CA4: variants seen among roughly 807,000 people sequenced by gnomAD.
CA4 encodes the protein carbonic anhydrase 4.
In CA4, 24 loss-of-function variants were observed where a neutral mutation model predicts 34.5. That is an observed-to-expected ratio of 0.70 (90% CI 0.50 to 0.98). The LOEUF is 0.98. Ranked by LOEUF, CA4 falls within the 50% of genes least tolerant of loss-of-function variation. CA4 has a pLI of 0.00. For synonymous variants in CA4, 178 were observed against 170.6 expected (o/e 1.04, Z -0.34); for missense variants, 394 against 396.7 (o/e 0.99, Z 0.06).
At chr17:60,160,479 G>A (rs971398769), downstream of CA4, among the ~76,000 whole-genome samples, 8 of 152,020 alleles carry the variant, frequency 5.3e-5, no homozygotes, top group African/African-American at 1.9e-4. Flanking sequence ...ATTCAGGGCA[G>A]GGGGCCGGGC....
At chr17:60,152,126 C>T (rs1354863200) in intron 1 of CA4, among the ~76,000 whole-genome samples, 5 of 152,062 alleles carry the variant, frequency 3.3e-5, no homozygotes, top group Non-Finnish European at 4.4e-5. Flanking sequence ...CGGTCTCTAA[C>T]CTCTGGTCAG....
At chr17:60,163,769 G>A (rs1321189504), downstream of CA4, among the ~76,000 whole-genome samples, 1 of 152,170 alleles carries the variant, frequency 6.6e-6, no homozygotes, top group African/African-American at 2.4e-5. Flanking sequence ...ACAGGAAGAG[G>A]GCAGCGGAGC....
downstream of CA4, among the ~76,000 whole-genome samples, chr17:60,161,873 C>T (rs938841677): frequency 4.6e-5 from 7 of 152,090 alleles, no homozygotes; most frequent in East Asian, 1.2e-3. Context: ...CTAAGCTGCC[C>T]CCCAAAGGAT....
At position 60,159,304 on chromosome 17, in the gene CA4, G is replaced by A. The variant is rs1290241956; in HGVS notation, c.819G>A (p.Leu273=). Residue 273 remains leucine, a synonymous_variant, in exon 8 of 8, where the codon CTG becomes CTA. Coordinates refer to ENST00000300900, the MANE Select transcript of CA4 (RefSeq NM_000717.5). ...TVSMKDNVRP[L]QQLGQRTVIK... ...GCATGAAGGACAATGTCAGGCCCCTGCAGCAGCTGGGGCAGCGCACGGTGA... is the reference window on the plus strand; with the variant it reads ...GCATGAAGGACAATGTCAGGCCCCTACAGCAGCTGGGGCAGCGCACGGTGA... 1.2e-6 allele frequency: 2 copies of A among 1,610,162 alleles called. No individual in the cohort carries two copies. The highest frequency in any genetic ancestry group is 1.7e-6 in the Non-Finnish European group (2 of 1,178,282).
intron 5 of CA4, among the ~76,000 whole-genome samples, chr17:60,168,101 A>G (rs915165601): frequency 8.6e-5 from 13 of 151,114 alleles, no homozygotes; most frequent in Admixed American, 6.6e-4. Flanking sequence ...GGGAGGAGGG[A>G]CTCTGAGTTC....
rs1405355324 is a variant in CA4, at chr17:60,158,278, C to A, written c.581-5C>A. ...CACTGACAGTGTCCTCTGCCCCTAT[C>A]TCAGAGATGAGCACTACGATGGCAG... On this transcript the variant is annotated splice_region_variant and splice_polypyrimidine_tract_variant and intron_variant, in intron 6 of 7. Transcript: ENST00000300900. 2 of 1,614,080 alleles carry A rather than the reference C, an allele frequency of 1.2e-6. No homozygotes were observed. Among genetic ancestry groups the A allele is most frequent in the Non-Finnish European group, 1.7e-6 (2 of 1,179,956 alleles).
chr17:60,168,171 G>A (rs80234689), intron 5 of CA4, among the ~76,000 whole-genome samples: 2,928 of 143,978 alleles, frequency 0.02, 122 homozygotes, highest in African/African-American at 0.071. Flanking sequence ...AATGGAAGCC[G>A]CATGTGGAAA....
chr17:60,162,249 C>T (rs911476196), downstream of CA4, among the ~76,000 whole-genome samples: 5 of 152,166 alleles, frequency 3.3e-5, no homozygotes, highest in Non-Finnish European at 7.4e-5. Flanking sequence ...CGGGCACTGG[C>T]CCCCACCTCC....
At position 60,159,350 on chromosome 17, in the gene CA4, C is replaced by T. The variant is rs774889872; in HGVS notation, c.865C>T (p.Arg289Trp). 3.1e-6 allele frequency: 5 copies of T among 1,609,662 alleles called. No individual in the cohort carries two copies. The highest frequency in any genetic ancestry group is 2.7e-5 in the African/African-American group (2 of 74,838). ...GGTGATAAAGTCCGGGGCCCCGGGT[C>T]GGCCGCTGCCCTGGGCCCTGCCTGC... ...RTVIKSGAPG[R>W]PLPWALPALL... The change falls in exon 8 of 8, where the codon CGG (arginine) becomes TGG (tryptophan). Residue 289 changes from arginine to tryptophan, a missense_variant. Arg to Trp is a moderately radical substitution (Grantham distance 101). Coordinates refer to ENST00000300900, the MANE Select transcript of CA4 (RefSeq NM_000717.5).
At chr17:60,169,250 C>CAAAAAAAAAAAAAAAA (rs1555574043) in intron 5 of CA4, among the ~76,000 whole-genome samples, 1 of 122,892 alleles carries the variant, frequency 8.1e-6, no homozygotes, top group African/African-American at 3.3e-5. Context: ...CCCTCTGTCT[C>CAAAAAAAAAAAAAAAA]AAAAAAAAAA....
At chr17:60,176,588 G>C in the CA4 span, among the ~76,000 whole-genome samples, 2 of 152,048 alleles carry the variant, frequency 1.3e-5, no homozygotes, top group East Asian at 3.9e-4. Context: ...ACCCACTGTA[G>C]GTACCAATGT....
chr17:60,167,165 C>T (rs147204938), intron 5 of CA4, among the ~76,000 whole-genome samples: 99 of 152,344 alleles, frequency 6.5e-4, no homozygotes, highest in African/African-American at 2.3e-3. Flanking sequence ...GTCCTTGCTG[C>T]TTCCCTTATA....
rs775003473 is a variant in CA4, at chr17:60,159,298, G to T, written c.813G>T (p.Arg271Ser). 21 of 1,610,062 alleles carry T rather than the reference G, an allele frequency of 1.3e-5. No homozygotes were observed. Among genetic ancestry groups the T allele is most frequent in the African/African-American group, 2.7e-5 (2 of 74,792 alleles). ...CAGTGAGCATGAAGGACAATGTCAG[G>T]CCCCTGCAGCAGCTGGGGCAGCGCA... Reference protein sequence around the residue: ...EQTVSMKDNVRPLQQLGQRTV... With the variant: ...EQTVSMKDNVSPLQQLGQRTV... Residue 271 changes from arginine to serine, a missense_variant, in exon 8 of 8, where the codon AGG (arginine) becomes AGT (serine). Transcript: ENST00000300900.
chr17:60,160,317 T>C (rs1261056752), downstream of CA4, among the ~76,000 whole-genome samples: 1 of 152,214 alleles, frequency 6.6e-6, no homozygotes, highest in African/African-American at 2.4e-5. Context: ...TTATTGAGCG[T>C]TTATGCTCTA....
At chr17:60,172,115 G>T (rs2083916240), downstream of CA4, among the ~76,000 whole-genome samples, 1 of 152,162 alleles carries the variant, frequency 6.6e-6, no homozygotes, top group Non-Finnish European at 1.5e-5. Context: ...ATCCCAGTGG[G>T]CACTGAGGTT....
At chr17:60,170,908 T>C (rs1250155631), downstream of CA4, 2 of 151,836 alleles carry the variant, frequency 1.3e-5, no homozygotes, top group South Asian at 4.2e-4. Flanking sequence ...CAGGGGGAGG[T>C]AGGGTGGTAA....
At chr17:60,155,914 CGCTTTTATTTGAAT>C (rs1410380407) in intron 2 of CA4, among the ~76,000 whole-genome samples, 1 of 152,180 alleles carries the variant, frequency 6.6e-6, no homozygotes, top group African/African-American at 2.4e-5. Context: ...TGGTCCTTTA[CGCTTTTATTTGAAT>C]GCTGACCAAT....
downstream of CA4, among the ~76,000 whole-genome samples, chr17:60,175,188 GA>G (rs2083946905): frequency 1.1e-5 from 1 of 91,368 alleles, no homozygotes; most frequent in South Asian, 2.8e-4. Flanking sequence ...ACACCCAGCT[GA>G]TTTTTTTTTT....
intron 5 of CA4, among the ~76,000 whole-genome samples, chr17:60,165,687 T>A (rs1217038762): frequency 6.6e-6 from 1 of 152,128 alleles, no homozygotes; most frequent in East Asian, 1.9e-4. Context: ...GCCTATCCTG[T>A]GTAGAGTTGC....
Sources: gnomAD v4.1 joint callset for allele counts (sites outside exome capture counted in the v4.1 genomes callset) on GRCh38, gnomAD v4.1.1 for gene constraint, MANE v1.5 for transcripts, NCBI Gene and HGNC (gene_info 2026-07-23, HGNC 2026-07-21) for gene names.